The following ERH variants were observed in gnomAD, a reference collection of about 807,000 sequenced individuals.
ERH encodes the protein ERH mRNA splicing and mitosis factor.
ERH carries 1 observed loss-of-function variant against 16.8 expected under a neutral mutation model. That is an observed-to-expected ratio of 0.06 (90% CI 0.02 to 0.28). The LOEUF (loss-of-function observed/expected upper bound fraction) is 0.28, where lower values mean the gene tolerates loss of function less well. Ranked by LOEUF, ERH falls within the 10% of genes least tolerant of loss-of-function variation. ERH has a pLI of 1.00. For synonymous variants in ERH, 43 were observed against 43.6 expected (o/e 0.99, Z 0.05); for missense variants, 42 against 127.5 (o/e 0.33, Z 3.23).
chr14:69,392,416 TA>T (rs2140233379), intron 2 of ERH, among the ~76,000 whole-genome samples: 1 of 152,238 alleles, frequency 6.6e-6, no homozygotes, highest in East Asian at 1.9e-4. Context: ...AAAAGCCAGT[TA>T]AGAAAAAGCC....
intron 1 of ERH, 181 bp downstream of exon 1, chr14:69,398,050 C>T (rs1882406557): frequency 2.6e-6 from 2 of 781,290 alleles, no homozygotes; most frequent in Non-Finnish European, 4.1e-6. Context: ...ACCGGGGCTC[C>T]GAGGCCTAGA....
intron 2 of ERH, among the ~76,000 whole-genome samples, chr14:69,389,443 A>G (rs2045911474): frequency 6.6e-6 from 1 of 152,232 alleles, no homozygotes; most frequent in African/African-American, 2.4e-5. Context: ...AGCCAGGGCA[A>G]TTAGGCAAGA....
At chr14:69,394,985 A>G in intron 1 of ERH, 73 bp from the exon 2 acceptor site, 1 of 1,048,622 alleles carries the variant, frequency 9.5e-7, no homozygotes, top group Non-Finnish European at 1.4e-6. Context: ...AAAAATCCCC[A>G]TTTGTAATGC....
At chr14:69,390,478 T>C (rs2045918006) in intron 2 of ERH, among the ~76,000 whole-genome samples, 1 of 152,136 alleles carries the variant, frequency 6.6e-6, no homozygotes. Flanking sequence ...TTTCAACAAA[T>C]GATGCTAGGA....
At chr14:69,388,974 A>G (rs1328340828) in intron 2 of ERH, among the ~76,000 whole-genome samples, 1 of 152,150 alleles carries the variant, frequency 6.6e-6, no homozygotes, top group Non-Finnish European at 1.5e-5. Context: ...GAAAATAAAA[A>G]CTAGGAAAAT....
At chr14:69,385,269 G>T (rs1016575608) in intron 3 of ERH, among the ~76,000 whole-genome samples, 1 of 152,154 alleles carries the variant, frequency 6.6e-6, no homozygotes, top group Admixed American at 6.5e-5. Flanking sequence ...ATCACTATCA[G>T]ATAGGTACTT....
At chr14:69,381,231 G>A (rs923165410) in intron 3 of ERH, among the ~76,000 whole-genome samples, 11 of 152,150 alleles carry the variant, frequency 7.2e-5, no homozygotes, top group African/African-American at 4.8e-5. Context: ...AGCCGAGATC[G>A]TGCCACTGCA....
intron 3 of ERH, among the ~76,000 whole-genome samples, chr14:69,385,641 TA>T (rs2045887328): frequency 3.3e-5 from 3 of 90,970 alleles, no homozygotes; most frequent in Non-Finnish European, 7.1e-5. Context: ...ATTCTTTAAA[TA>T]AAAAAAAGGA....
rs114053152 is a variant in ERH at position 69,390,908 on chromosome 14, G to A, written c.92-3825C>T. Among the ~76,000 whole-genome samples, 478 of 152,338 alleles carry A rather than the reference G, an allele frequency of 3.1e-3. 4 individuals carry two copies. Among genetic ancestry groups the A allele is most frequent in the African/African-American group, 0.011 (464 of 41,576 alleles). On this transcript the variant is annotated intron_variant, in intron 2 of 3. Coordinates refer to ENST00000557016, the MANE Select transcript of ERH (RefSeq NM_004450.3). ...AATAAGCACATGAAAAGATGACATT[G>A]TATGTCATTAGGGAATTGCAAATTA...
chr14:69,380,514 ACC>A lies in ERH; in HGVS notation c.*22_*23del. ...ACACCTGTGTTCCAAGCCCACCCCA[ACC>A]CCCCCAGTGCTTCCAACACAATTAT... On this transcript the variant is annotated 3_prime_UTR_variant, in exon 4 of 4. Transcript: ENST00000557016. The A allele has an allele frequency of 8.2e-7, 1 of 1,219,016 alleles. No individual in the cohort carries two copies. The highest frequency in any genetic ancestry group is 1.2e-6 in the Non-Finnish European group (1 of 822,444). The allele number at this position is 1,219,016 out of a possible 1,614,324, so 75.5% of individuals were successfully genotyped here.
intron 1 of ERH, among the ~76,000 whole-genome samples, chr14:69,395,231 G>A (rs1388477154): frequency 6.6e-6 from 1 of 152,116 alleles, no homozygotes; most frequent in Non-Finnish European, 1.5e-5. Flanking sequence ...CTTGAGCCCA[G>A]GAGGCTGAGA....
In ERH at chr14:69,381,382, T is replaced by C. The variant is rs115765416; in HGVS notation, c.213-742A>G. On this transcript the variant is annotated intron_variant, in intron 3 of 3. Coordinates refer to ENST00000557016, the MANE Select transcript of ERH (RefSeq NM_004450.3). ...CAACAAAGATTTCTTGCTAATTTCC[T>C]TCCCCCTGTAAAGTATTAAGGAAAT... 3.1e-3 allele frequency among the ~76,000 whole-genome samples: 478 copies of C among 152,358 alleles called. 4 individuals carry two copies. The highest frequency in any genetic ancestry group is 0.011 in the African/African-American group (464 of 41,596).
Position 69,398,269 on chromosome 14 carries a change from A to G in ERH, c.-36T>C, listed in dbSNP as rs763399706. On this transcript the variant is annotated 5_prime_UTR_variant, in exon 1 of 4. Coordinates refer to ENST00000557016, the MANE Select transcript of ERH (RefSeq NM_004450.3). The stretch of plus-strand genomic sequence containing the variant: ...TCTCTTCGCTACAGCAGCTGCCGAC[A>G]CCGCCGCCGTTACACGAGCTTAACT... The G allele has an allele frequency of 1.1e-5, 17 of 1,612,384 alleles. No homozygotes were observed. In the Admixed American group the frequency reaches 1.8e-4, roughly 17 times the overall value.
chr14:69,392,064 G>T (rs1281152136), intron 2 of ERH, among the ~76,000 whole-genome samples: 1 of 152,122 alleles, frequency 6.6e-6, no homozygotes, highest in Admixed American at 6.5e-5. Flanking sequence ...GAAGGCGTAT[G>T]CTGGAGCTCT....
chr14:69,386,783 G>A, intron 3 of ERH, 180 bp downstream of exon 3: 2 of 503,354 alleles, frequency 4.0e-6, no homozygotes, highest in Non-Finnish European at 6.7e-6. Flanking sequence ...TTTTTTCTGT[G>A]CCTTTGGCTT....
chr14:69,380,684 C>G, intron 3 of ERH, 44 bp from the exon 4 acceptor site: 1 of 1,134,788 alleles, frequency 8.8e-7, no homozygotes, highest in East Asian at 2.4e-5. Flanking sequence ...TGGTCAATCA[C>G]TGCCAGGTGT....
In ERH at chr14:69,380,258, T is replaced by G. The variant is rs193051508; in HGVS notation, c.*280A>C. On this transcript the variant is annotated 3_prime_UTR_variant, in exon 4 of 4. Transcript: ENST00000557016. ...AATGTTATAAAGTAGATATGAACAGTTGAAGGACTGGAACCAACATTAAGT... is the reference window on the plus strand; with the variant it reads ...AATGTTATAAAGTAGATATGAACAGGTGAAGGACTGGAACCAACATTAAGT... 3.9e-4 allele frequency: 121 copies of G among 307,400 alleles called. No homozygotes were observed. Among genetic ancestry groups the G allele is most frequent in the African/African-American group, 2.5e-3 (115 of 46,488 alleles). The allele number at this position is 307,400 out of a possible 1,614,324, so 19.0% of individuals were successfully genotyped here. A position where few individuals can be genotyped will look rare whatever the true frequency, so the allele number is the denominator to read the frequency against.
At position 69,381,190 on chromosome 14, in the gene ERH, G is replaced by A. The variant is rs138876282; in HGVS notation, c.213-550C>T. On this transcript the variant is annotated intron_variant, in intron 3 of 3. Coordinates refer to ENST00000557016, the MANE Select transcript of ERH (RefSeq NM_004450.3). ...TGCCTACTCAGGAGGCTGAGGCAAG[G>A]GAATTGCTTCAACCGGTGGAGGATG... Among the ~76,000 whole-genome samples, 476 of 152,264 alleles carry A rather than the reference G, an allele frequency of 3.1e-3. 4 individuals carry two copies. The highest frequency in any genetic ancestry group is 0.011 in the African/African-American group (461 of 41,548).
intron 3 of ERH, among the ~76,000 whole-genome samples, chr14:69,381,677 C>T (rs1451021262): frequency 2.0e-5 from 3 of 152,028 alleles, no homozygotes; most frequent in Non-Finnish European, 4.4e-5. Flanking sequence ...CACTTCCCAC[C>T]ACCCCCACCA....
Sources: gnomAD v4.1 joint callset for allele counts (sites outside exome capture counted in the v4.1 genomes callset) on GRCh38, gnomAD v4.1.1 for gene constraint, MANE v1.5 for transcripts, NCBI Gene and HGNC (gene_info 2026-07-23, HGNC 2026-07-21) for gene names.